RXRG: variants seen among roughly 807,000 people sequenced by gnomAD.
RXRG encodes the protein retinoic acid receptor RXR-gamma.
RXRG carries 19 observed loss-of-function variants against 49.2 expected under a neutral mutation model. That is an observed-to-expected ratio of 0.39 (90% CI 0.27 to 0.57). The LOEUF (loss-of-function observed/expected upper bound fraction) is 0.57. RXRG is among the 20% of genes least tolerant of loss of function. The pLI, the probability that RXRG is intolerant of heterozygous loss-of-function variation, is 0.64. For synonymous variants in RXRG, 224 were observed against 216.6 expected (o/e 1.03, Z -0.30); for missense variants, 452 against 592.5 (o/e 0.76, Z 2.46).
chr1:165,411,723 G>A (rs1238119242), intron 4 of RXRG, among the ~76,000 whole-genome samples: 2 of 152,160 alleles, frequency 1.3e-5, no homozygotes, highest in East Asian at 3.9e-4. Context: ...GGAGGTTGGG[G>A]AGGGTACATA....
chr1:165,417,329 G>A (rs1571273765), intron 3 of RXRG, 109 bp from the exon 4 acceptor site: 2 of 1,050,550 alleles, frequency 1.9e-6, no homozygotes, highest in East Asian at 2.4e-5. Flanking sequence ...TATCACTTGG[G>A]CATTGGGACA....
rs565816731 is a variant in RXRG at position 165,410,414 on chromosome 1, C to A, written c.913+288G>T. 4.6e-5 allele frequency among the ~76,000 whole-genome samples: 7 copies of A among 152,296 alleles called. No individual in the cohort carries two copies. The South Asian group carries it at 1.4e-3, about 32-fold the overall frequency. On this transcript the variant is annotated intron_variant, in intron 6 of 9. Transcript: ENST00000359842. Reference sequence around the variant, plus strand: ...TGGGAATACCTCTATTTGCCAATTTCATTACAATAATGAGCCACTGCTTCA... The same window carrying A: ...TGGGAATACCTCTATTTGCCAATTTAATTACAATAATGAGCCACTGCTTCA...
At chr1:165,407,288 C>T (rs1412965820) in intron 8 of RXRG, among the ~76,000 whole-genome samples, 1 of 152,236 alleles carries the variant, frequency 6.6e-6, no homozygotes, top group Non-Finnish European at 1.5e-5. Context: ...GGCACATGTC[C>T]TGCATTGATG....
intron 1 of RXRG, chr1:165,437,129 AG>A (rs1433426823): frequency 7.3e-7 from 1 of 1,367,702 alleles, no homozygotes; most frequent in East Asian, 4.6e-5. Flanking sequence ...TGGAGGGTTC[AG>A]GGCTCACAGT....
chr1:165,436,905 A>G (rs1658831463), intron 1 of RXRG: 1 of 1,106,966 alleles, frequency 9.0e-7, no homozygotes, highest in Non-Finnish European at 1.1e-6. Context: ...TTTCAGAATT[A>G]ACAACCAAAC....
intron 1 of RXRG, among the ~76,000 whole-genome samples, chr1:165,439,608 A>G (rs1333358747): frequency 6.6e-6 from 1 of 152,206 alleles, no homozygotes; most frequent in Non-Finnish European, 1.5e-5. Flanking sequence ...GGCCTCTTCT[A>G]CATGCTCTCC....
At chr1:165,436,858 T>C in intron 1 of RXRG, 2 of 1,017,526 alleles carry the variant, frequency 2.0e-6, no homozygotes, top group Non-Finnish European at 2.4e-6. Flanking sequence ...CAGCAAGAGT[T>C]TCAAGGTTAA....
At chr1:165,424,923 G>A in intron 2 of RXRG, 3 of 985,604 alleles carry the variant, frequency 3.0e-6, no homozygotes, top group Non-Finnish European at 3.6e-6. Flanking sequence ...ACCGAGCAAA[G>A]CATTGCTGCA....
intron 2 of RXRG, among the ~76,000 whole-genome samples, chr1:165,421,500 TC>T (rs1314925218): frequency 6.6e-6 from 1 of 151,336 alleles, no homozygotes; most frequent in Non-Finnish European, 1.5e-5. Flanking sequence ...ATTCCATGAG[TC>T]TGAGGTAGGG....
intron 1 of RXRG, among the ~76,000 whole-genome samples, chr1:165,443,229 A>G (rs951401211): frequency 6.6e-6 from 1 of 152,126 alleles, no homozygotes; most frequent in Non-Finnish European, 1.5e-5. Context: ...ACTGTCTCCA[A>G]GGGTCTCTTT....
Position 165,418,089 on chromosome 1 carries a change from T to A in RXRG, c.443-869A>T, listed in dbSNP as rs77791287. Among the ~76,000 whole-genome samples the A allele has an allele frequency of 1.1e-4, 13 of 120,234 alleles. No individual in the cohort carries two copies. The East Asian group carries it at 2.4e-3, about 23-fold the overall frequency. 78.9% of individuals were successfully genotyped at this position (120,234 alleles called of 152,430 possible). ...TCATGCCCCTGCACTCTAGCCTGAG[T>A]GACAGAGCGAGATCCCGTCTCAAAA... is the stretch of plus-strand genomic sequence containing the variant. On this transcript the variant is annotated intron_variant, in intron 3 of 9. Coordinates refer to ENST00000359842, the MANE Select transcript of RXRG (RefSeq NM_006917.5).
intron 1 of RXRG, chr1:165,436,907 C>T (rs972552427): frequency 1.8e-6 from 2 of 1,105,912 alleles, no homozygotes; most frequent in Non-Finnish European, 2.2e-6. Context: ...TCAGAATTAA[C>T]AACCAAACTT....
intron 1 of RXRG, among the ~76,000 whole-genome samples, chr1:165,434,272 A>ACGTGTGTG (rs1553223946): frequency 1.5e-5 from 1 of 66,722 alleles, no homozygotes; most frequent in African/African-American, 3.7e-5. Flanking sequence ...AATGAATTGC[A>ACGTGTGTG]TGTGTGTATG....
At position 165,413,066 on chromosome 1, in the gene RXRG, C is replaced by T. The variant is rs536630580; in HGVS notation, c.623-1957G>A. Among the ~76,000 whole-genome samples the T allele has an allele frequency of 1.8e-4, 28 of 152,258 alleles. No individual in the cohort carries two copies. In the South Asian group the frequency reaches 5.6e-3, roughly 30 times the overall value. Reference sequence around the variant, plus strand: ...GCTTCAGAGAAAATATCCTTGGTGTCAGGGAATTTGATTCGAATTCTGGTT... The same window carrying T: ...GCTTCAGAGAAAATATCCTTGGTGTTAGGGAATTTGATTCGAATTCTGGTT... On this transcript the variant is annotated intron_variant, in intron 4 of 9. Coordinates refer to ENST00000359842, the MANE Select transcript of RXRG (RefSeq NM_006917.5).
Position 165,410,943 on chromosome 1 carries a change from A to T in RXRG, c.783+6T>A. ...GGAACACACATGTGTGTCTAAGAGC[A>T]CATACCGAGTTCTCCATATTCATGT... is the stretch of plus-strand genomic sequence containing the variant. On this transcript the variant is annotated splice_donor_region_variant and intron_variant, in intron 5 of 9. Transcript: ENST00000359842. The T allele has an allele frequency of 6.2e-7, 1 of 1,614,074 alleles. No individual in the cohort carries two copies. Among genetic ancestry groups the T allele is most frequent in the Non-Finnish European group, 8.5e-7 (1 of 1,179,958 alleles).
chr1:165,403,373 T>C (rs1657645301), intron 9 of RXRG, among the ~76,000 whole-genome samples: 1 of 152,226 alleles, frequency 6.6e-6, no homozygotes, highest in South Asian at 2.1e-4. Flanking sequence ...CTTTACTGAG[T>C]GTCACAACAT....
chr1:165,429,794 T>C (rs1658615494), intron 1 of RXRG, among the ~76,000 whole-genome samples: 1 of 152,146 alleles, frequency 6.6e-6, no homozygotes, highest in Admixed American at 6.5e-5. Flanking sequence ...GAACAGGGTC[T>C]GGGTGAGGAG....
At position 165,419,953 on chromosome 1, in the gene RXRG, C is replaced by G; in HGVS notation, c.359G>C (p.Gly120Ala). Residue 120 changes from glycine (G) to alanine (A), a missense_variant, in exon 3 of 10, where the codon GGG (glycine) becomes GCG (alanine). Gly to Ala is a moderately conservative substitution (Grantham distance 60, BLOSUM62 0). Transcript: ENST00000359842. Reference protein sequence around the residue: ...EDIKPLPGLPGIGNMNYPSTS... With the variant: ...EDIKPLPGLPAIGNMNYPSTS... ...GGATGGGTAGTTCATGTTTCCAATC[C>G]CGGGAAGCCCTGGTAAGGGCTTGAT... 2 of 1,613,332 alleles carry G rather than the reference C, an allele frequency of 1.2e-6. No homozygotes were observed. Among genetic ancestry groups the G allele is most frequent in the South Asian group, 2.2e-5 (2 of 90,876 alleles).
chr1:165,413,213 A>G (rs1286383202), intron 4 of RXRG, among the ~76,000 whole-genome samples: 2 of 152,152 alleles, frequency 1.3e-5, no homozygotes, highest in Admixed American at 1.3e-4. Flanking sequence ...ATTCTGAGCT[A>G]CTGTTACGAC....
Sources: gnomAD v4.1 joint callset for allele counts (sites outside exome capture counted in the v4.1 genomes callset) on GRCh38, gnomAD v4.1.1 for gene constraint, MANE v1.5 for transcripts, NCBI Gene and HGNC (gene_info 2026-07-23, HGNC 2026-07-21) for gene names.